Variants in CNTNAP2 observed in about 807,000 individuals in gnomAD.
CNTNAP2 encodes the protein contactin-associated protein-like 2.
A neutral mutation model predicts 155.2 loss-of-function variants in CNTNAP2; 98 were observed. The observed-to-expected ratio is 0.63, with a 90% confidence interval of 0.54 to 0.75. CNTNAP2 has a LOEUF of 0.75. Among genes scored for constraint, CNTNAP2 ranks in the 30% least tolerant of loss-of-function variants. CNTNAP2 has a pLI of 0.00. For missense variants in CNTNAP2, 1,727 were observed against 1,688.1 expected (o/e 1.02, Z -0.40); for synonymous variants, 651 against 631.2 (o/e 1.03, Z -0.47).
chr7:147,853,636 C>T lies in CNTNAP2; in HGVS notation c.2099-49929C>T, dbSNP rs1221543830. ...GCACTAGAATTTGGGTTGGCACAGT[C>T]ATTTCATAATCTGAACTCTAACACA... is the stretch of plus-strand genomic sequence containing the variant. On this transcript the variant is annotated intron_variant, in intron 13 of 23. Transcript: ENST00000361727. Among the ~76,000 whole-genome samples the T allele has an allele frequency of 3.9e-5, 6 of 152,282 alleles. No individual in the cohort carries two copies. In the South Asian group the frequency reaches 6.2e-4, roughly 16 times the overall value.
chr7:146,255,397 C>T (rs764949861), intron 1 of CNTNAP2, among the ~76,000 whole-genome samples: 13 of 152,208 alleles, frequency 8.5e-5, no homozygotes, highest in East Asian at 3.9e-4. Flanking sequence ...TAGAATTTTC[C>T]GTCAGTACCT....
intron 18 of CNTNAP2, among the ~76,000 whole-genome samples, chr7:148,187,599 T>C (rs1795140834): frequency 6.6e-6 from 1 of 152,182 alleles, no homozygotes; most frequent in African/African-American, 2.4e-5. Flanking sequence ...TATGAGGAGC[T>C]AGGAGGGTGG....
intron 21 of CNTNAP2, among the ~76,000 whole-genome samples, chr7:148,375,595 G>A (rs1346372081): frequency 2.0e-5 from 3 of 150,866 alleles, no homozygotes; most frequent in East Asian, 2.0e-4. Flanking sequence ...TCCTGACCTC[G>A]TGATCCACCT....
intron 14 of CNTNAP2, among the ~76,000 whole-genome samples, chr7:147,975,626 G>C (rs1801415871): frequency 6.6e-6 from 1 of 152,076 alleles, no homozygotes; most frequent in Non-Finnish European, 1.5e-5. Context: ...ATGACTGCCT[G>C]CTATGTAATG....
chr7:148,251,730 G>A (rs1179521735), intron 20 of CNTNAP2, among the ~76,000 whole-genome samples: 2 of 152,202 alleles, frequency 1.3e-5, no homozygotes, highest in Admixed American at 1.3e-4. Context: ...GGCTCCAGCA[G>A]GTTCCCTATT....
At chr7:147,801,229 C>T (rs74773761) in intron 13 of CNTNAP2, among the ~76,000 whole-genome samples, 5,831 of 149,798 alleles carry the variant, frequency 0.039, 220 homozygotes, top group Admixed American at 0.11. Context: ...TGCATACATT[C>T]GTGTATATTT....
At chr7:146,248,826 C>T (rs577904116) in intron 1 of CNTNAP2, among the ~76,000 whole-genome samples, 17 of 152,176 alleles carry the variant, frequency 1.1e-4, no homozygotes, top group Middle Eastern at 3.4e-3. Context: ...CATGCGCCTC[C>T]GTGTGAAGAG....
At chr7:148,129,380 C>T (rs1049043470) in intron 16 of CNTNAP2, among the ~76,000 whole-genome samples, 2 of 152,068 alleles carry the variant, frequency 1.3e-5, no homozygotes, top group Non-Finnish European at 1.5e-5. Flanking sequence ...TCGATTACTG[C>T]AGAGAAGCCA....
chr7:146,136,310 AT>A (rs1224247696), intron 1 of CNTNAP2, among the ~76,000 whole-genome samples: 2 of 152,176 alleles, frequency 1.3e-5, no homozygotes, highest in African/African-American at 4.8e-5. Context: ...ATTATGTGGC[AT>A]TTATGCCATT....
In CNTNAP2 at chr7:148,061,962, G is replaced by GATAAACAGAT. The variant is rs1428829084; in HGVS notation, c.2384-56153_2384-56152insAACAGATATA. On this transcript the variant is annotated intron_variant, in intron 15 of 23. Transcript: ENST00000361727. ...ATAGATAGATAAACAGATATAGATA[G>GATAAACAGAT]ATAGATAGATAGATAGATAGATAGA... Among the ~76,000 whole-genome samples, 50 of 72,450 alleles carry GATAAACAGAT rather than the reference G, an allele frequency of 6.9e-4. 1 individual carries two copies. The highest frequency in any genetic ancestry group is 2.1e-3 in the South Asian group (5 of 2,374). The allele number at this position is 72,450 out of a possible 152,430, so 47.5% of individuals were successfully genotyped here. A position where few individuals can be genotyped will look rare whatever the true frequency, so the allele number is the denominator to read the frequency against.
At chr7:146,933,551 C>T (rs1360010709) in intron 3 of CNTNAP2, among the ~76,000 whole-genome samples, 1 of 150,260 alleles carries the variant, frequency 6.7e-6, no homozygotes, top group Non-Finnish European at 1.5e-5. Flanking sequence ...GTCTAAAACA[C>T]CAAAAGCAAT....
intron 13 of CNTNAP2, among the ~76,000 whole-genome samples, chr7:147,877,341 T>A (rs1368357315): frequency 1.3e-5 from 2 of 152,220 alleles, no homozygotes; most frequent in Non-Finnish European, 2.9e-5. Flanking sequence ...TCCATCCATG[T>A]GTAATAGCTG....
intron 8 of CNTNAP2, among the ~76,000 whole-genome samples, chr7:147,253,682 T>C (rs1804254591): frequency 1.3e-5 from 2 of 152,162 alleles, no homozygotes; most frequent in South Asian, 4.1e-4. Context: ...TCCCGTGATC[T>C]TAGACACAGA....
chr7:147,391,557 A>T (rs1796719080), intron 9 of CNTNAP2, among the ~76,000 whole-genome samples: 3 of 152,130 alleles, frequency 2.0e-5, no homozygotes. Flanking sequence ...ACTCCACTTA[A>T]TAAAAGGCAC....
chr7:146,196,575 G>T (rs1798779108), intron 1 of CNTNAP2, among the ~76,000 whole-genome samples: 1 of 151,406 alleles, frequency 6.6e-6, no homozygotes, highest in Admixed American at 6.6e-5. Flanking sequence ...GAGAGAGAGA[G>T]AGAGAGAAAG....
At chr7:147,761,343 T>G (rs1797295634) in intron 13 of CNTNAP2, among the ~76,000 whole-genome samples, 1 of 152,218 alleles carries the variant, frequency 6.6e-6, no homozygotes, top group Admixed American at 6.5e-5. Context: ...ATCACTTTCC[T>G]CTTTCCTGCT....
intron 13 of CNTNAP2, among the ~76,000 whole-genome samples, chr7:147,884,777 G>A (rs953323265): frequency 8.5e-5 from 13 of 152,132 alleles, no homozygotes; most frequent in African/African-American, 2.9e-4. Context: ...GAGATTGGAG[G>A]ACTTTGAATT....
intron 2 of CNTNAP2, among the ~76,000 whole-genome samples, chr7:146,798,804 T>C (rs1802817216): frequency 6.6e-6 from 1 of 152,214 alleles, no homozygotes; most frequent in Non-Finnish European, 1.5e-5. Context: ...ATTATCCTCA[T>C]GGAGATTCTA....
intron 1 of CNTNAP2, among the ~76,000 whole-genome samples, chr7:146,208,338 T>C (rs1798980780): frequency 6.6e-6 from 1 of 152,128 alleles, no homozygotes; most frequent in Non-Finnish European, 1.5e-5. Context: ...AAAAAATTAC[T>C]AAGTGTAACA....
Sources: gnomAD v4.1 joint callset for allele counts (sites outside exome capture counted in the v4.1 genomes callset) on GRCh38, gnomAD v4.1.1 for gene constraint, MANE v1.5 for transcripts, NCBI Gene and HGNC (gene_info 2026-07-23, HGNC 2026-07-21) for gene names.